FBXW4: variants seen among roughly 807,000 people sequenced by gnomAD.
FBXW4 encodes the protein F-box/WD repeat-containing protein 4.
Under a neutral mutation model 61.8 loss-of-function variants are expected in FBXW4, and 40 were observed. The ratio of observed to expected loss-of-function variants is 0.65; its 90% CI spans 0.50 to 0.84. The LOEUF (loss-of-function observed/expected upper bound fraction) is 0.84, where lower values mean the gene tolerates loss of function less well. Ranked by LOEUF, FBXW4 falls within the 40% of genes least tolerant of loss-of-function variation. The pLI, the probability that FBXW4 is intolerant of heterozygous loss-of-function variation, is 0.00. For synonymous variants in FBXW4, 311 were observed against 313.8 expected (o/e 0.99, Z 0.10); for missense variants, 672 against 753.8 (o/e 0.89, Z 1.27).
intron 5 of FBXW4, among the ~76,000 whole-genome samples, chr10:101,633,593 T>C (rs1364704226): frequency 9.2e-5 from 14 of 152,076 alleles, no homozygotes; most frequent in Non-Finnish European, 2.1e-4. Flanking sequence ...ACTTAAAGTA[T>C]AATAAAAAAA....
At chr10:101,692,191 G>A (rs1323178393) in intron 1 of FBXW4, among the ~76,000 whole-genome samples, 1 of 151,666 alleles carries the variant, frequency 6.6e-6, no homozygotes, top group Non-Finnish European at 1.5e-5. Flanking sequence ...CTATCAAAAA[G>A]TAACAATATT....
At chr10:101,667,088 G>A (rs1357699881) in intron 5 of FBXW4, among the ~76,000 whole-genome samples, 1 of 151,742 alleles carries the variant, frequency 6.6e-6, no homozygotes, top group Non-Finnish European at 1.5e-5. Flanking sequence ...AAAATTAGCT[G>A]GGCGTGGTGG....
intron 5 of FBXW4, among the ~76,000 whole-genome samples, chr10:101,661,750 C>T (rs1024756834): frequency 6.6e-6 from 1 of 152,156 alleles, no homozygotes; most frequent in Admixed American, 6.5e-5. Context: ...CTTTGACTAG[C>T]TCTTCAGGTC....
chr10:101,669,841 G>A (rs999934854), intron 4 of FBXW4, among the ~76,000 whole-genome samples: 27 of 150,846 alleles, frequency 1.8e-4, no homozygotes, highest in Admixed American at 4.0e-4. Context: ...TGCAAGCTCC[G>A]CCTCCTGGGT....
intron 5 of FBXW4, among the ~76,000 whole-genome samples, chr10:101,638,460 T>C (rs1384454288): frequency 6.7e-6 from 1 of 148,216 alleles, no homozygotes; most frequent in Non-Finnish European, 1.5e-5. Context: ...AATGAAAAGA[T>C]CTGGAATGAC....
chr10:101,682,324 T>A (rs1449228596), intron 1 of FBXW4, among the ~76,000 whole-genome samples: 21 of 152,160 alleles, frequency 1.4e-4, no homozygotes, highest in Admixed American at 1.4e-3. Context: ...AGTCCCTGGT[T>A]TTAAATCACT....
At chr10:101,637,227 CA>C (rs1211982230) in intron 5 of FBXW4, among the ~76,000 whole-genome samples, 2,426 of 114,884 alleles carry the variant, frequency 0.021, 59 homozygotes, top group African/African-American at 0.065. Context: ...ACTAAAAATA[CA>C]AAAAAAAAAA....
chr10:101,690,802 A>T (rs1161948552), intron 1 of FBXW4, among the ~76,000 whole-genome samples: 1 of 152,236 alleles, frequency 6.6e-6, no homozygotes, highest in Non-Finnish European at 1.5e-5. Context: ...AAAAACATTC[A>T]GGACAGGTGA....
chr10:101,611,079 C>G lies in FBXW4; in HGVS notation c.*212G>C, dbSNP rs2063777304. 1 of 559,848 alleles carries G rather than the reference C, an allele frequency of 1.8e-6. No individual in the cohort carries two copies. The highest frequency in any genetic ancestry group is 3.4e-5 in the Admixed American group (1 of 29,748). 34.7% of individuals were successfully genotyped at this position (559,848 alleles called of 1,614,324 possible). A position where few individuals can be genotyped will look rare whatever the true frequency, so the allele number is the denominator to read the frequency against. On this transcript the variant is annotated 3_prime_UTR_variant, in exon 9 of 9. Coordinates refer to ENST00000331272, the MANE Select transcript of FBXW4 (RefSeq NM_022039.4). This position sits in a 1 kb window ranked among gnomAD's most constrained non-coding sequence, Gnocchi z 4.9. ...CGCACTCTAAAGCAGCAGGTCCTGCCTCTCCAACAGGTTCCTGGGAGGGAC... is the reference window on the plus strand; with the variant it reads ...CGCACTCTAAAGCAGCAGGTCCTGCGTCTCCAACAGGTTCCTGGGAGGGAC...
At chr10:101,624,717 A>T in intron 6 of FBXW4, 28 bp downstream of exon 6, 1 of 1,613,568 alleles carries the variant, frequency 6.2e-7, no homozygotes. Flanking sequence ...CTGGACTGGA[A>T]GCCAGCATGG....
At chr10:101,632,922 T>C (rs968236922) in intron 5 of FBXW4, among the ~76,000 whole-genome samples, 1 of 152,216 alleles carries the variant, frequency 6.6e-6, no homozygotes, top group East Asian at 1.9e-4. Flanking sequence ...TATAATTGTC[T>C]GCCTAGAAAA....
At chr10:101,660,263 C>T (rs1021906679) in intron 5 of FBXW4, 19 of 980,092 alleles carry the variant, frequency 1.9e-5, no homozygotes, top group South Asian at 4.7e-5. Context: ...TTTGAACCTC[C>T]GACTGCAACA....
chr10:101,626,642 A>C (rs2063909547), intron 5 of FBXW4: 1 of 152,208 alleles, frequency 6.6e-6, no homozygotes, highest in African/African-American at 2.4e-5. Flanking sequence ...GGCATGCACC[A>C]CCACACCCAG....
chr10:101,684,496 C>G (rs574882721), intron 1 of FBXW4, among the ~76,000 whole-genome samples: 3 of 152,110 alleles, frequency 2.0e-5, no homozygotes, highest in Non-Finnish European at 2.9e-5. Flanking sequence ...TCTTGAACTT[C>G]TGACCTCAAA....
chr10:101,671,086 G>A (rs1442437067), intron 4 of FBXW4, among the ~76,000 whole-genome samples: 1 of 152,202 alleles, frequency 6.6e-6, no homozygotes, highest in Admixed American at 6.5e-5. Context: ...TAGAATTTCA[G>A]ATGCCACTGA....
At chr10:101,635,630 T>TTC in intron 5 of FBXW4, among the ~76,000 whole-genome samples, 1 of 148,696 alleles carries the variant, frequency 6.7e-6, no homozygotes, top group South Asian at 2.1e-4. Context: ...AGCCCAGGAG[T>TTC]TCAAGACAAG....
rs1440620579 is a variant in FBXW4 at position 101,681,404 on chromosome 10, T to A, written c.726-4968A>T. On this transcript the variant is annotated intron_variant, in intron 1 of 8. Transcript: ENST00000331272. ...ACTCCGTCTCAAAAAAAAAAAATAATAATAATAATAATAATAATACTAACA... is the reference window on the plus strand; with the variant it reads ...ACTCCGTCTCAAAAAAAAAAAATAAAAATAATAATAATAATAATACTAACA... 8.5e-3 allele frequency among the ~76,000 whole-genome samples: 1,079 copies of A among 126,880 alleles called. 10 individuals are homozygous for A. Among genetic ancestry groups the A allele is most frequent in the African/African-American group, 0.021 (682 of 33,062 alleles). 83.2% of individuals were successfully genotyped at this position (126,880 alleles called of 152,430 possible).
chr10:101,612,386 AG>A lies in FBXW4; in HGVS notation c.1392del (p.Cys465ValfsTer68), dbSNP rs2134795003. On this transcript the variant is annotated frameshift_variant, in exon 7 of 9. Coordinates refer to ENST00000331272, the MANE Select transcript of FBXW4 (RefSeq NM_022039.4). LOFTEE classifies it high-confidence loss of function. ...TAGCGAACATAGGTGTCATAGCCAC[AG>A]GACAGCAGTGTGAAAGGGGACTCAT... ...VMYESPFTLL[S>X]CGYDTYVRYW... The A allele has an allele frequency of 6.3e-7, 1 of 1,599,240 alleles. No homozygotes were observed. Among genetic ancestry groups the A allele is most frequent in the Non-Finnish European group, 8.5e-7 (1 of 1,172,278 alleles).
At chr10:101,692,427 C>A (rs2064616131) in intron 1 of FBXW4, among the ~76,000 whole-genome samples, 1 of 151,756 alleles carries the variant, frequency 6.6e-6, no homozygotes, top group Admixed American at 6.6e-5. Context: ...ACCTCTTGCA[C>A]CAAAAGTGAT....
Sources: allele counts gnomAD v4.1 joint callset (sites outside exome capture counted in the v4.1 genomes callset), GRCh38; gene constraint gnomAD v4.1.1; non-coding constraint Gnocchi (gnomAD v3.1); transcripts MANE v1.5; gene names NCBI Gene and HGNC (gene_info 2026-07-23, HGNC 2026-07-21).